Variants in ENTREP2 observed in about 807,000 individuals in gnomAD.
ENTREP2 encodes the protein protein ENTREP2.
the ENTREP2 span, among the ~76,000 whole-genome samples, chr15:29,585,185 C>A: frequency 6.6e-6 from 1 of 152,084 alleles, no homozygotes; most frequent in East Asian, 1.9e-4. Flanking sequence ...TATAAGACAA[C>A]AAGGATTGAA....
the ENTREP2 span, chr15:29,126,362 G>A: frequency 6.5e-7 from 1 of 1,542,356 alleles, no homozygotes; most frequent in Non-Finnish European, 8.7e-7. Flanking sequence ...AGGATCCTCT[G>A]GAGACACATG....
the ENTREP2 span, among the ~76,000 whole-genome samples, chr15:29,246,615 G>T: frequency 6.6e-6 from 1 of 151,866 alleles, no homozygotes; most frequent in Non-Finnish European, 1.5e-5. Flanking sequence ...CAGGAGAATC[G>T]CTTGAACCCA....
the ENTREP2 span, among the ~76,000 whole-genome samples, chr15:29,435,334 T>A: frequency 2.0e-5 from 3 of 152,082 alleles, no homozygotes; most frequent in Non-Finnish European, 1.5e-5. Flanking sequence ...AATATAAATT[T>A]CAAATGAGGA....
chr15:29,136,501 C>A, the ENTREP2 span: 1 of 1,547,002 alleles, frequency 6.5e-7, no homozygotes, highest in African/African-American at 1.4e-5. Flanking sequence ...GGTGGAGGCC[C>A]CTGAAAAGAC....
chr15:29,438,512 T>C, the ENTREP2 span, among the ~76,000 whole-genome samples: 1 of 152,046 alleles, frequency 6.6e-6, no homozygotes, highest in Admixed American at 6.6e-5. Flanking sequence ...AAATAGAGTG[T>C]AGCTGGAAAT....
the ENTREP2 span, among the ~76,000 whole-genome samples, chr15:29,119,770 G>GAAGA: frequency 7.3e-6 from 1 of 137,608 alleles, no homozygotes; most frequent in African/African-American, 3.5e-5. Context: ...CTTGGGGAAT[G>GAAGA]AAGAGAAATG....
At chr15:29,620,606 C>G in the ENTREP2 span, among the ~76,000 whole-genome samples, 1 of 151,900 alleles carries the variant, frequency 6.6e-6, no homozygotes, top group African/African-American at 2.4e-5. Context: ...CCACTGCACT[C>G]CAGCCTGGGC....
At chr15:29,269,934 C>G in the ENTREP2 span, 3 of 477,716 alleles carry the variant, frequency 6.3e-6, no homozygotes, top group Non-Finnish European at 1.1e-5. Context: ...CCTGCAGGTC[C>G]GGGCGATGAT....
chr15:29,654,719 A>T, the ENTREP2 span, among the ~76,000 whole-genome samples: 1 of 152,182 alleles, frequency 6.6e-6, no homozygotes, highest in Non-Finnish European at 1.5e-5. Context: ...TTTGCACTCT[A>T]GGCTAAAAAA....
At chr15:29,545,055 G>A in the ENTREP2 span, among the ~76,000 whole-genome samples, 6,460 of 152,170 alleles carry the variant, frequency 0.042, 472 homozygotes, top group African/African-American at 0.15. Context: ...GCCTTCCATC[G>A]GGCTAAGCTC....
the ENTREP2 span, among the ~76,000 whole-genome samples, chr15:29,216,638 G>A: frequency 2.0e-5 from 3 of 152,116 alleles, no homozygotes; most frequent in Non-Finnish European, 2.9e-5. Context: ...ACACCCGAGC[G>A]AGTTCCATGG....
At chr15:29,234,309 T>A in the ENTREP2 span, 1 of 1,610,440 alleles carries the variant, frequency 6.2e-7, no homozygotes, top group African/African-American at 1.3e-5. Context: ...AAAAGATATA[T>A]GTAATCTGAA....
chr15:29,427,794 C>T, the ENTREP2 span, among the ~76,000 whole-genome samples: 785 of 152,268 alleles, frequency 5.2e-3, 9 homozygotes, highest in Non-Finnish European at 7.3e-3. Flanking sequence ...TTAGGAAGGA[C>T]GTGGACATCA....
chr15:29,292,259 T>TTTTTC, the ENTREP2 span, among the ~76,000 whole-genome samples: 9 of 152,288 alleles, frequency 5.9e-5, no homozygotes, highest in East Asian at 1.7e-3. Flanking sequence ...TTCATCCATC[T>TTTTTC]TTTTCTTTTC....
chr15:29,400,204 G>C, the ENTREP2 span, among the ~76,000 whole-genome samples: 1 of 152,182 alleles, frequency 6.6e-6, no homozygotes, highest in South Asian at 2.1e-4. Flanking sequence ...GCAGGGTTAG[G>C]ACACAAGCTC....
At chr15:29,570,590 A>T in the ENTREP2 span, 1 of 1,465,558 alleles carries the variant, frequency 6.8e-7, no homozygotes, top group Non-Finnish European at 9.0e-7. Flanking sequence ...TGCCACGATG[A>T]GGCATCCGAG....
the ENTREP2 span, among the ~76,000 whole-genome samples, chr15:29,421,444 GTATCT>G: frequency 6.6e-5 from 10 of 152,192 alleles, no homozygotes; most frequent in African/African-American, 2.4e-4. Context: ...AGCAGAATTT[GTATCT>G]TATTTAGAAA....
the ENTREP2 span, among the ~76,000 whole-genome samples, chr15:29,193,693 T>C: frequency 4.6e-4 from 70 of 152,354 alleles, 1 homozygote; most frequent in East Asian, 0.013. Flanking sequence ...GTCTGGAGAA[T>C]GGAAGACGTA....
At chr15:29,144,550 G>C in the ENTREP2 span, among the ~76,000 whole-genome samples, 3 of 152,116 alleles carry the variant, frequency 2.0e-5, no homozygotes, top group Non-Finnish European at 4.4e-5. Context: ...GCATCATAGA[G>C]GGAACCTGTC....
Sources: allele counts gnomAD v4.1 joint callset (sites outside exome capture counted in the v4.1 genomes callset), GRCh38; gene constraint gnomAD v4.1.1; transcripts MANE v1.5; gene names NCBI Gene and HGNC (gene_info 2026-07-23, HGNC 2026-07-21).